ENPP3: variants seen among roughly 807,000 people sequenced by gnomAD.
The protein encoded by ENPP3 is ectonucleotide pyrophosphatase/phosphodiesterase family member 3.
ENPP3 carries 104 observed loss-of-function variants against 117.8 expected under a neutral mutation model. The ratio of observed to expected loss-of-function variants is 0.88; its 90% confidence interval spans 0.75 to 1.04. ENPP3 has a LOEUF of 1.04. Among genes scored for constraint, ENPP3 ranks in the 50% least tolerant of loss-of-function variants. ENPP3 has a pLI of 0.00. For missense variants in ENPP3, 1,026 were observed against 1,051.9 expected (o/e 0.98, Z 0.34); for synonymous variants, 380 against 349.9 (o/e 1.09, Z -0.96).
chr6:131,675,707 T>G (rs886387355), intron 9 of ENPP3, among the ~76,000 whole-genome samples: 2 of 152,040 alleles, frequency 1.3e-5, no homozygotes, highest in African/African-American at 4.8e-5. Flanking sequence ...GGTGGCGCAT[T>G]ACCTCTAATC....
chr6:131,656,178 G>A (rs1017719292), intron 5 of ENPP3, among the ~76,000 whole-genome samples: 5 of 152,106 alleles, frequency 3.3e-5, no homozygotes, highest in African/African-American at 1.2e-4. Flanking sequence ...GACACCTTGG[G>A]TAAACTACCT....
At chr6:131,641,669 A>G (rs142781824) in intron 2 of ENPP3, 139 bp downstream of exon 2, 1 of 546,414 alleles carries the variant, frequency 1.8e-6, no homozygotes, top group East Asian at 2.9e-5. Flanking sequence ...CCCTTTCCCC[A>G]CTCTACTTAT....
chr6:131,661,889 C>T (rs1176239314), intron 6 of ENPP3, among the ~76,000 whole-genome samples: 1 of 152,058 alleles, frequency 6.6e-6, no homozygotes. Flanking sequence ...TGTGCAGAAA[C>T]TTTTTGGTTT....
chr6:131,688,452 G>A (rs747866239), intron 14 of ENPP3, among the ~76,000 whole-genome samples: 4 of 152,212 alleles, frequency 2.6e-5, no homozygotes, highest in Non-Finnish European at 5.9e-5. Flanking sequence ...TGGGCCAAAA[G>A]CTAGGCCTGT....
At chr6:131,645,250 T>G (rs994866737) in intron 2 of ENPP3, among the ~76,000 whole-genome samples, 1 of 152,230 alleles carries the variant, frequency 6.6e-6, no homozygotes, top group Admixed American at 6.5e-5. Flanking sequence ...AGTTAGGGTT[T>G]TCATCTTCTT....
chr6:131,655,845 G>A (rs768160885), intron 5 of ENPP3, among the ~76,000 whole-genome samples: 38 of 152,132 alleles, frequency 2.5e-4, no homozygotes, highest in Non-Finnish European at 4.1e-4. Context: ...GGAAAGGGGT[G>A]GTGGTGGTGG....
intron 10 of ENPP3, 32 bp downstream of exon 10, chr6:131,676,833 A>G: frequency 1.4e-6 from 2 of 1,408,814 alleles, no homozygotes; most frequent in Non-Finnish European, 1.0e-6. Flanking sequence ...GTGCTGGCAT[A>G]GTGGCATATA....
At chr6:131,642,123 A>G (rs1195828184) in intron 2 of ENPP3, among the ~76,000 whole-genome samples, 1 of 152,016 alleles carries the variant, frequency 6.6e-6, no homozygotes, top group African/African-American at 2.4e-5. Flanking sequence ...GGACTTTGGT[A>G]AGTGGATCAC....
chr6:131,668,128 T>G (rs555305571), intron 6 of ENPP3, among the ~76,000 whole-genome samples: 4 of 152,002 alleles, frequency 2.6e-5, no homozygotes, highest in African/African-American at 9.6e-5. Context: ...ATCTTAATAA[T>G]ATTTCATTAT....
At chr6:131,667,241 C>A (rs1778636534) in intron 6 of ENPP3, among the ~76,000 whole-genome samples, 1 of 152,006 alleles carries the variant, frequency 6.6e-6, no homozygotes, top group South Asian at 2.1e-4. Flanking sequence ...TCACTGGCCC[C>A]CAGGTGACTA....
At chr6:131,678,358 T>C (rs1778917281) in intron 11 of ENPP3, among the ~76,000 whole-genome samples, 1 of 152,260 alleles carries the variant, frequency 6.6e-6, no homozygotes, top group African/African-American at 2.4e-5. Context: ...AAGTTCCTTA[T>C]AATTGGATTT....
At chr6:131,639,837 ACTT>A (rs1778005139) in intron 1 of ENPP3, among the ~76,000 whole-genome samples, 1 of 152,116 alleles carries the variant, frequency 6.6e-6, no homozygotes, top group South Asian at 2.1e-4. Context: ...TTAAAAATAA[ACTT>A]CTTAGGCGGG....
intron 15 of ENPP3, among the ~76,000 whole-genome samples, chr6:131,696,836 C>G (rs1278968048): frequency 6.8e-6 from 1 of 146,390 alleles, no homozygotes; most frequent in African/African-American, 2.6e-5. Context: ...GTGGCGCGAT[C>G]TCGGCTCATT....
intron 15 of ENPP3, among the ~76,000 whole-genome samples, chr6:131,695,893 G>A (rs532921673): frequency 6.6e-6 from 1 of 152,098 alleles, no homozygotes; most frequent in African/African-American, 2.4e-5. Context: ...TCCAGCCTGG[G>A]CAACAGAGCA....
intron 1 of ENPP3, among the ~76,000 whole-genome samples, chr6:131,640,867 T>C (rs1354688455): frequency 1.3e-5 from 2 of 152,196 alleles, no homozygotes; most frequent in African/African-American, 4.8e-5. Flanking sequence ...AGAGCGATAA[T>C]GAATGACATA....
intron 15 of ENPP3, among the ~76,000 whole-genome samples, chr6:131,704,653 T>G (rs1431596194): frequency 6.7e-6 from 1 of 148,248 alleles, no homozygotes; most frequent in Non-Finnish European, 1.5e-5. Context: ...ATCTGAGTGG[T>G]TGACATATTG....
intron 1 of ENPP3, among the ~76,000 whole-genome samples, chr6:131,639,692 G>A (rs900752336): frequency 2.0e-5 from 3 of 152,076 alleles, no homozygotes; most frequent in Non-Finnish European, 4.4e-5. Context: ...CAAATGATGT[G>A]CTCTCAGCAG....
chr6:131,747,365 CT>C lies in ENPP3; in HGVS notation c.*414del. On this transcript the variant is annotated 3_prime_UTR_variant, in exon 25 of 25. Coordinates refer to ENST00000357639, the MANE Select transcript of ENPP3 (RefSeq NM_005021.5). ...ACTCTAAATCAGTTTTGTCACAAAACTTTTTGTATTTGACTGGCAATGCTGA... is the reference window on the plus strand; with the variant it reads ...ACTCTAAATCAGTTTTGTCACAAAACTTTTGTATTTGACTGGCAATGCTGA... The C allele has an allele frequency of 6.6e-6, 1 of 152,532 alleles. No homozygotes were observed. The allele number at this position is 152,532 out of a possible 1,614,324, so 9.4% of individuals were successfully genotyped here.
intron 14 of ENPP3, among the ~76,000 whole-genome samples, chr6:131,689,903 G>T (rs757206147): frequency 6.6e-6 from 1 of 152,044 alleles, no homozygotes; most frequent in South Asian, 2.1e-4. Flanking sequence ...AACTTTGAAG[G>T]GTTCATGACT....
Sources: allele counts gnomAD v4.1 joint callset (sites outside exome capture counted in the v4.1 genomes callset), GRCh38; gene constraint gnomAD v4.1.1; transcripts MANE v1.5; gene names NCBI Gene and HGNC (gene_info 2026-07-23, HGNC 2026-07-21).